SLC38A9: variants seen among roughly 807,000 people sequenced by gnomAD.
The protein encoded by SLC38A9 is solute carrier family 38 member 9.
SLC38A9 carries 48 observed loss-of-function variants against 62.3 expected under a neutral mutation model. The observed-to-expected ratio is 0.77, with a 90% CI of 0.61 to 0.98. The LOEUF (loss-of-function observed/expected upper bound fraction) is 0.98. Among genes scored for constraint, SLC38A9 ranks in the 50% least tolerant of loss-of-function variants. SLC38A9 has a pLI of 0.00. For synonymous variants in SLC38A9, 204 were observed against 227.7 expected (o/e 0.90, Z 0.94); for missense variants, 541 against 679.8 (o/e 0.80, Z 2.27).
Position 55,694,757 on chromosome 5 carries a change from CTT to C in SLC38A9, c.113+3087_113+3088del, listed in dbSNP as rs1561429588. Among the ~76,000 whole-genome samples, 339 of 147,580 alleles carry C rather than the reference CTT, an allele frequency of 2.3e-3. 2 individuals carry two copies. Among genetic ancestry groups the C allele is most frequent in the African/African-American group, 8.2e-3 (327 of 39,978 alleles). On this transcript the variant is annotated intron_variant, in intron 3 of 15. Coordinates refer to ENST00000396865, the MANE Select transcript of SLC38A9 (RefSeq NM_173514.4). Reference sequence around the variant, plus strand: ...CACCCTTCTCCTCTCCTCTCCTCTCCTTTCCTTTCCTTTCCTGACAGAGTCTT... The same window carrying C: ...CACCCTTCTCCTCTCCTCTCCTCTCCTCCTTTCCTTTCCTGACAGAGTCTT...
intron 12 of SLC38A9, among the ~76,000 whole-genome samples, chr5:55,644,300 A>T (rs13188656): frequency 0.59 from 90,137 of 151,674 alleles, 27,420 homozygotes; most frequent in South Asian, 0.7. Flanking sequence ...TAATGTAATT[A>T]TCAATACAAT....
intron 3 of SLC38A9, chr5:55,691,114 C>T (rs1754674323): frequency 2.8e-6 from 2 of 703,200 alleles, no homozygotes; most frequent in South Asian, 1.5e-5. Context: ...CTGTACCCCA[C>T]TTGGCTTATC....
At chr5:55,676,875 G>C (rs527261600) in intron 3 of SLC38A9, among the ~76,000 whole-genome samples, 13 of 151,872 alleles carry the variant, frequency 8.6e-5, no homozygotes, top group Admixed American at 6.6e-4. Context: ...GTTACACAAA[G>C]AACATTCTGA....
At chr5:55,688,401 A>ATTGC (rs1754250820) in intron 3 of SLC38A9, among the ~76,000 whole-genome samples, 1 of 35,310 alleles carries the variant, frequency 2.8e-5, no homozygotes, top group Non-Finnish European at 9.3e-5. Flanking sequence ...TTTTTTTTTA[A>ATTGC]GACAGTCTCA....
chr5:55,628,049 T>TGA, intron 14 of SLC38A9, 69 bp from the exon 15 acceptor site: 2 of 934,176 alleles, frequency 2.1e-6, no homozygotes, highest in South Asian at 2.8e-5. Context: ...ACCACTAATA[T>TGA]GAGACTACAG....
intron 1 of SLC38A9, 110 bp from the exon 2 acceptor site, chr5:55,711,609 G>C (rs1222171089): frequency 6.6e-6 from 1 of 152,202 alleles, no homozygotes; most frequent in Admixed American, 6.5e-5. Flanking sequence ...TCTCACAACT[G>C]AGTCGTGTGA....
chr5:55,692,511 C>G, intron 3 of SLC38A9: 1 of 529,236 alleles, frequency 1.9e-6, no homozygotes, highest in Non-Finnish European at 2.4e-6. Context: ...GTTTGTTTTC[C>G]TAAACAAATT....
intron 3 of SLC38A9, among the ~76,000 whole-genome samples, chr5:55,676,467 C>T (rs1752097865): frequency 6.6e-6 from 1 of 152,158 alleles, no homozygotes; most frequent in Non-Finnish European, 1.5e-5. Flanking sequence ...CAAGAGTCAC[C>T]ATACTGGCCT....
Position 55,652,693 on chromosome 5 carries a change from T to G in SLC38A9, c.788A>C (p.His263Pro). Residue 263 changes from histidine (H) to proline (P), a missense_variant, in exon 10 of 16, where the codon CAT becomes CCT. Physicochemically the swap from His to Pro is moderately conservative, Grantham distance 77. Coordinates refer to ENST00000396865, the MANE Select transcript of SLC38A9 (RefSeq NM_173514.4). ...VICPSAGSGG[H>P]PDNSSMIFYA... is the part of the protein sequence containing the mutation. Reference sequence around the variant, plus strand: ...GAAAATCATAGAGCTGTTGTCAGGATGGCCTCCACTCCCGGCACTTGGACA... The same window carrying G: ...GAAAATCATAGAGCTGTTGTCAGGAGGGCCTCCACTCCCGGCACTTGGACA... 6.2e-7 allele frequency: 1 copy of G among 1,613,180 alleles called. No individual in the cohort carries two copies. The highest frequency in any genetic ancestry group is 2.2e-5 in the East Asian group (1 of 44,876).
At chr5:55,708,101 C>T (rs1019732021) in intron 2 of SLC38A9, among the ~76,000 whole-genome samples, 1 of 152,070 alleles carries the variant, frequency 6.6e-6, no homozygotes, top group Admixed American at 6.5e-5. Context: ...CACCAAGAGA[C>T]TGAGATAGGT....
intron 12 of SLC38A9, among the ~76,000 whole-genome samples, chr5:55,641,680 T>G (rs1466434173): frequency 1.3e-5 from 2 of 152,266 alleles, no homozygotes; most frequent in Non-Finnish European, 2.9e-5. Context: ...TTGTAAAATA[T>G]CATGTCAGTT....
chr5:55,683,697 G>C (rs913559414), intron 3 of SLC38A9, among the ~76,000 whole-genome samples: 5 of 152,086 alleles, frequency 3.3e-5, no homozygotes, highest in African/African-American at 9.7e-5. Flanking sequence ...TTATCTTTGT[G>C]ACATTCACCC....
chr5:55,699,766 G>A (rs914579383), intron 2 of SLC38A9, among the ~76,000 whole-genome samples: 3 of 152,106 alleles, frequency 2.0e-5, no homozygotes, highest in Non-Finnish European at 4.4e-5. Context: ...CTCAATGAAT[G>A]AGTTTAAAAG....
intron 14 of SLC38A9, among the ~76,000 whole-genome samples, chr5:55,632,417 G>A (rs1396802765): frequency 6.6e-6 from 1 of 152,086 alleles, no homozygotes; most frequent in South Asian, 2.1e-4. Flanking sequence ...CAGCCTGGGC[G>A]GCAGAGCGAG....
intron 3 of SLC38A9, among the ~76,000 whole-genome samples, chr5:55,678,645 C>CTTTGTTTTTTTTT (rs1561397701): frequency 2.2e-5 from 1 of 45,800 alleles, no homozygotes. Context: ...CTGAAATGAA[C>CTTTGTTTTTTTTT]TTTTTTTTTT....
chr5:55,656,816 G>T, intron 8 of SLC38A9, 42 bp from the exon 9 acceptor site: 2 of 1,044,162 alleles, frequency 1.9e-6, no homozygotes, highest in South Asian at 1.4e-5. Flanking sequence ...CTGAATGAAA[G>T]ACACTAAATC....
At chr5:55,688,632 G>A (rs570529378) in intron 3 of SLC38A9, among the ~76,000 whole-genome samples, 3 of 152,036 alleles carry the variant, frequency 2.0e-5, no homozygotes, top group Non-Finnish European at 2.9e-5. Flanking sequence ...CGCCCGCCTC[G>A]GCCTCCCAAA....
At chr5:55,634,569 G>A (rs976762832) in intron 13 of SLC38A9, 4 of 152,066 alleles carry the variant, frequency 2.6e-5, no homozygotes, top group African/African-American at 9.7e-5. Context: ...AGTAGGCTTT[G>A]TATGAGTTTG....
intron 2 of SLC38A9, among the ~76,000 whole-genome samples, chr5:55,699,760 A>G (rs1206868096): frequency 6.6e-6 from 1 of 152,316 alleles, no homozygotes; most frequent in Non-Finnish European, 1.5e-5. Flanking sequence ...TCAACACTCA[A>G]TGAATGAGTT....
Sources: allele counts gnomAD v4.1 joint callset (sites outside exome capture counted in the v4.1 genomes callset), GRCh38; gene constraint gnomAD v4.1.1; transcripts MANE v1.5; gene names NCBI Gene and HGNC (gene_info 2026-07-23, HGNC 2026-07-21).